The following ITGA7 variants were observed in gnomAD, a reference collection of about 807,000 sequenced individuals.
The protein encoded by ITGA7 is integrin subunit alpha 7, also known as integrin alpha-7.
A neutral mutation model predicts 131.6 loss-of-function variants in ITGA7; 84 were observed. That is an observed-to-expected ratio of 0.64 (90% CI 0.54 to 0.77). ITGA7 has a LOEUF of 0.77. Among genes scored for constraint, ITGA7 ranks in the 30% least tolerant of loss-of-function variants. The probability of loss-of-function intolerance (pLI) is 0.00; values close to 1 mark genes in which losing one functional copy is unlikely to be tolerated. For synonymous variants in ITGA7, 548 were observed against 600.7 expected (o/e 0.91, Z 1.28); for missense variants, 1,399 against 1,482.9 (o/e 0.94, Z 0.93).
At chr12:55,700,042 C>A in intron 4 of ITGA7, 53 bp from the exon 5 acceptor site, 2 of 1,602,600 alleles carry the variant, frequency 1.2e-6, no homozygotes, top group Non-Finnish European at 1.7e-6. Flanking sequence ...GTAGGGGCCA[C>A]AGAGTAGGGA....
rs759849076 is a variant in ITGA7 at position 55,698,547 on chromosome 12, T to G, written c.1028A>C (p.Tyr343Ser). The G allele has an allele frequency of 3.0e-5, 49 of 1,613,320 alleles. No homozygotes were observed. Among genetic ancestry groups the G allele is most frequent in the Non-Finnish European group, 2.5e-6 (3 of 1,179,784 alleles). Residue 343 changes from tyrosine (Y) to serine (S), a missense_variant, in exon 7 of 25, where the codon TAC becomes TCC. Transcript: ENST00000257879. ...CAGCTCTTCTTGGCGCTCAAAGAAG[T>G]AGGGGGCACCCACTATCAGGTCTGG... ...GWPDLIVGAPYFFERQEELGG... is the reference protein window; with the variant it reads ...GWPDLIVGAPSFFERQEELGG...
chr12:55,702,070 C>T (rs2136064550), intron 3 of ITGA7, among the ~76,000 whole-genome samples: 1 of 152,296 alleles, frequency 6.6e-6, no homozygotes, highest in East Asian at 1.9e-4. Flanking sequence ...GGCTAGGGTA[C>T]AATGGTGCGA....
chr12:55,707,284 G>T (rs1320177356), intron 1 of ITGA7, among the ~76,000 whole-genome samples, 193 bp downstream of exon 1: 1 of 152,150 alleles, frequency 6.6e-6, no homozygotes, highest in Non-Finnish European at 1.5e-5. Flanking sequence ...CAAAATACTG[G>T]TCTCAGGGCC....
chr12:55,697,973 C>T lies in ITGA7; in HGVS notation c.1246G>A (p.Gly416Arg). The change falls in exon 8 of 25, where the codon GGG becomes AGG. Residue 416 changes from glycine (G) to arginine (R), a missense_variant. Transcript: ENST00000257879. ...DGDGKVFIYHGSSLGVVAKPS... is the reference protein window; with the variant it reads ...DGDGKVFIYHRSSLGVVAKPS... ...TTGGCGACAACCCCCAGGCTGCTCC[C>T]ATGGTAGATGAAGACTTTCCCATCA... 6.2e-7 allele frequency: 1 copy of T among 1,614,166 alleles called. No individual in the cohort carries two copies. Among genetic ancestry groups the T allele is most frequent in the Non-Finnish European group, 8.5e-7 (1 of 1,180,040 alleles).
At chr12:55,693,083 C>T in intron 20 of ITGA7, 58 bp downstream of exon 20, 1 of 1,610,920 alleles carries the variant, frequency 6.2e-7, no homozygotes, top group South Asian at 1.1e-5. Flanking sequence ...CACTCACTAC[C>T]CTTACTCCCC....
chr12:55,688,915 GGC>G lies in ITGA7; in HGVS notation c.2885_2886del (p.Cys962SerfsTer6). The G allele has an allele frequency of 6.2e-7, 1 of 1,614,006 alleles. No homozygotes were observed. Among genetic ancestry groups the G allele is most frequent in the Non-Finnish European group, 8.5e-7 (1 of 1,179,976 alleles). On this transcript the variant is annotated frameshift_variant, in exon 22 of 25. Transcript: ENST00000257879. LOFTEE classifies it high-confidence loss of function. The part of the protein sequence containing the change: ...RGTANCVVFS[C>X]PLYSFDRAAV... Reference sequence around the variant, plus strand: ...GCCGCGCGGTCAAAGCTGTAGAGTGGGCAGCTGAACACCACACAGTTGGCCGT... The same window carrying G: ...GCCGCGCGGTCAAAGCTGTAGAGTGGAGCTGAACACCACACAGTTGGCCGT...
Position 55,696,807 on chromosome 12 carries a change from G to A in ITGA7, c.1737+92C>T, listed in dbSNP as rs183431006. The A allele has an allele frequency of 5.6e-4, 804 of 1,439,896 alleles. 1 individual carries two copies. The highest frequency in any genetic ancestry group is 2.8e-3 in the Middle Eastern group (16 of 5,650). The allele number at this position is 1,439,896 out of a possible 1,614,324, so 89.2% of individuals were successfully genotyped here. On this transcript the variant is annotated intron_variant, in intron 12 of 24. Transcript: ENST00000257879. ...GTGTCTAGGTCTTAGAAGGAGGCAC[G>A]AGTGTGCTCGGGAAAAAGCAGCTAA... is the stretch of plus-strand genomic sequence containing the variant.
chr12:55,695,586 G>C lies in ITGA7; in HGVS notation c.1939C>G (p.Leu647Val). The change falls in exon 14 of 25, where the codon CTG (leucine) becomes GTG (valine). Residue 647 changes from leucine (L) to valine (V), a missense_variant. By Grantham distance (32) the Leu-to-Val change is conservative. Coordinates refer to ENST00000257879, the MANE Select transcript of ITGA7 (RefSeq NM_002206.3). ...CGEDKICQSN[L>V]QLVRARFCTR... Reference sequence around the variant, plus strand: ...CAGAAGCGGGCGCGGACCAGCTGCAGATTGCTCTGGCAGATCTTGTCTTCA... The same window carrying C: ...CAGAAGCGGGCGCGGACCAGCTGCACATTGCTCTGGCAGATCTTGTCTTCA... 6.2e-7 allele frequency: 1 copy of C among 1,614,000 alleles called. No homozygotes were observed. Among genetic ancestry groups the C allele is most frequent in the East Asian group, 2.2e-5 (1 of 44,874 alleles).
At chr12:55,695,088 T>C in intron 14 of ITGA7, 118 bp from the exon 15 acceptor site, 1 of 1,001,596 alleles carries the variant, frequency 1.0e-6, no homozygotes, top group South Asian at 1.5e-5. Context: ...CCACCCCAGG[T>C]CCCCATCACA....
upstream of ITGA7, among the ~76,000 whole-genome samples, chr12:55,708,490 GAA>G (rs946405467): frequency 1.1e-4 from 17 of 151,806 alleles, no homozygotes; most frequent in Non-Finnish European, 2.4e-4. Flanking sequence ...AGGGAACAGA[GAA>G]AAAGAGGCAA....
upstream of ITGA7, among the ~76,000 whole-genome samples, chr12:55,708,748 A>G (rs1875733786): frequency 1.3e-5 from 2 of 152,186 alleles, no homozygotes; most frequent in Admixed American, 6.5e-5. Context: ...GGGTGTCCCC[A>G]GCTACCAGAC....
At chr12:55,697,898 CCACCCA>C in intron 8 of ITGA7, 34 bp downstream of exon 8, 1 of 1,614,058 alleles carries the variant, frequency 6.2e-7, no homozygotes, top group Non-Finnish European at 8.5e-7. Context: ...TCTGCTGATT[CCACCCA>C]CACCCATTCC....
At chr12:55,714,005 GAA>G (rs1288794108), upstream of ITGA7, among the ~76,000 whole-genome samples, 1 of 152,206 alleles carries the variant, frequency 6.6e-6, no homozygotes, top group Non-Finnish European at 1.5e-5. Flanking sequence ...GCCAAAGCTG[GAA>G]ATAGTTTTAG....
At chr12:55,703,845 C>T (rs1217292852) in intron 1 of ITGA7, among the ~76,000 whole-genome samples, 1 of 152,168 alleles carries the variant, frequency 6.6e-6, no homozygotes, top group South Asian at 2.1e-4. Context: ...ATTCTCTTCC[C>T]GACATCCTGA....
chr12:55,697,166 C>A, intron 11 of ITGA7, 50 bp downstream of exon 11: 1 of 1,573,144 alleles, frequency 6.4e-7, no homozygotes, highest in East Asian at 2.3e-5. Flanking sequence ...AGTGACCCCC[C>A]TCCCTGGGAA....
chr12:55,696,916 C>A lies in ITGA7; in HGVS notation c.1720G>T (p.Ala574Ser), dbSNP rs775049513. 1.2e-6 allele frequency: 2 copies of A among 1,614,168 alleles called. No homozygotes were observed. The highest frequency in any genetic ancestry group is 2.2e-5 in the South Asian group (2 of 91,084). The change falls in exon 12 of 25, where the codon GCC becomes TCC. Residue 574 changes from alanine (A) to serine (S), a missense_variant. By Grantham distance (99) the Ala-to-Ser change is moderately conservative (BLOSUM62 1). Coordinates refer to ENST00000257879, the MANE Select transcript of ITGA7 (RefSeq NM_002206.3). ...GTGTCCACCTGGAGCTGGAACATGG[C>A]GTCTCCACAGACTCGGTCATGCTGG... ...KHQHDRVCGD[A>S]MFQLQENVKD...
chr12:55,692,016 C>T (rs1026420841), intron 21 of ITGA7, among the ~76,000 whole-genome samples: 1 of 152,158 alleles, frequency 6.6e-6, no homozygotes, highest in African/African-American at 2.4e-5. Flanking sequence ...AACAACACAA[C>T]TCTGCAAAAC....
In ITGA7 at chr12:55,686,561, C is replaced by T. The variant is rs188794759; in HGVS notation, c.3184-1273G>A. On this transcript the variant is annotated intron_variant, in intron 24 of 24. Transcript: ENST00000257879. ...AAGGGTGGCTCAGTCTCTGATTGGT[C>T]CCAAAGAGCAGGCACAGGCAGGGGC... 1.2e-4 allele frequency among the ~76,000 whole-genome samples: 19 copies of T among 152,284 alleles called. 1 individual carries two copies. The highest frequency in any genetic ancestry group is 1.2e-3 in the Admixed American group (18 of 15,300).
At chr12:55,701,821 G>A (rs532345315) in intron 3 of ITGA7, among the ~76,000 whole-genome samples, 15 of 152,196 alleles carry the variant, frequency 9.9e-5, no homozygotes, top group African/African-American at 3.4e-4. Flanking sequence ...ATTAAAGCCT[G>A]GCTCAAATCA....
Sources: allele counts gnomAD v4.1 joint callset (sites outside exome capture counted in the v4.1 genomes callset), GRCh38; gene constraint gnomAD v4.1.1; transcripts MANE v1.5; gene names NCBI Gene and HGNC (gene_info 2026-07-23, HGNC 2026-07-21).